The following SPATC1L variants were observed in gnomAD, a reference collection of about 807,000 sequenced individuals.
SPATC1L encodes speriolin-like protein.
Under a neutral mutation model 21.2 loss-of-function variants are expected in SPATC1L, and 20 were observed. The observed-to-expected ratio is 0.94, with a 90% CI of 0.66 to 1.37. The LOEUF (loss-of-function observed/expected upper bound fraction) is 1.37. Among genes scored for constraint, SPATC1L ranks in the 40% most tolerant of loss-of-function variants. SPATC1L has a pLI of 0.00. For missense variants in SPATC1L, 499 were observed against 478.7 expected, an observed-to-expected ratio of 1.04 and a Z score of -0.40; for synonymous variants, 290 against 234.5, an observed-to-expected ratio of 1.24 and a Z score of -2.16.
chr21:46,177,555 C>T (rs1330215499), intron 2 of SPATC1L, among the ~76,000 whole-genome samples: 1 of 152,200 alleles, frequency 6.6e-6, no homozygotes, highest in African/African-American at 2.4e-5. Flanking sequence ...CACAATGAGA[C>T]ACCATCTCAC....
intron 3 of SPATC1L, among the ~76,000 whole-genome samples, chr21:46,165,450 T>C (rs951820747): frequency 1.3e-5 from 2 of 152,220 alleles, no homozygotes; most frequent in Non-Finnish European, 2.9e-5. Flanking sequence ...TTGTCATCTG[T>C]AGCCAATGCT....
intron 2 of SPATC1L, among the ~76,000 whole-genome samples, chr21:46,173,257 TG>T (rs1368474665): frequency 6.6e-6 from 1 of 152,178 alleles, no homozygotes; most frequent in African/African-American, 2.4e-5. Context: ...TGGCCATGCC[TG>T]CTTGCAGGGC....
At chr21:46,177,494 T>C (rs1655521868) in intron 2 of SPATC1L, among the ~76,000 whole-genome samples, 2 of 152,114 alleles carry the variant, frequency 1.3e-5, no homozygotes, top group South Asian at 4.1e-4. Context: ...CCAACGAGCA[T>C]ATGAAAAAAG....
In SPATC1L at chr21:46,182,670, T is replaced by G; in HGVS notation, c.147A>C (p.Pro49=). The G allele has an allele frequency of 6.5e-7, 1 of 1,540,742 alleles. No individual in the cohort carries two copies. Among genetic ancestry groups the G allele is most frequent in the Non-Finnish European group, 8.7e-7 (1 of 1,145,922 alleles). ...CCTCAGGGTAGGCATGCGCCCTGGGTGGGAGCAGGTCGTGGCCGCCGCCCT... is the reference window on the plus strand; with the variant it reads ...CCTCAGGGTAGGCATGCGCCCTGGGGGGGAGCAGGTCGTGGCCGCCGCCCT... ...CQEGGGHDLL[P]PRAHAYPEAG... The change falls in exon 2 of 5, where the codon CCA becomes CCC. Residue 49 remains proline, a synonymous_variant. Coordinates refer to ENST00000291672, the MANE Select transcript of SPATC1L (RefSeq NM_001142854.2).
intron 2 of SPATC1L, among the ~76,000 whole-genome samples, chr21:46,175,655 G>A (rs1354821818): frequency 2.6e-5 from 4 of 152,118 alleles, no homozygotes; most frequent in Admixed American, 2.6e-4. Context: ...CTAAAATTGA[G>A]TCAGTAATAA....
intron 2 of SPATC1L, among the ~76,000 whole-genome samples, chr21:46,173,217 C>T (rs137966082): frequency 1.7e-3 from 262 of 152,338 alleles, no homozygotes; most frequent in African/African-American, 5.8e-3. Flanking sequence ...AGCACCCCTT[C>T]GTCTGCTGGC....
chr21:46,168,494 G>C lies in SPATC1L; in HGVS notation c.358C>G (p.Pro120Ala). The part of the protein sequence containing the change: ...SQAPFKAFLS[P>A]PEPHSHRGTD... Reference sequence around the variant, plus strand: ...CCTCGGTGGCTATGTGGCTCTGGGGGACTGAGGAAGGCCTTGAAGGGTGCC... The same window carrying C: ...CCTCGGTGGCTATGTGGCTCTGGGGCACTGAGGAAGGCCTTGAAGGGTGCC... Residue 120 changes from proline (P) to alanine (A), a missense_variant, in exon 3 of 5, where the codon CCC (proline) becomes GCC (alanine). Physicochemically the swap from Pro to Ala is conservative, Grantham distance 27. Transcript: ENST00000291672. 1 of 1,562,608 alleles carries C rather than the reference G, an allele frequency of 6.4e-7. No homozygotes were observed. Among genetic ancestry groups the C allele is most frequent in the Non-Finnish European group, 8.7e-7 (1 of 1,152,984 alleles).
In SPATC1L at chr21:46,161,738, G is replaced by T. The variant is rs749232502; in HGVS notation, c.697-33C>A. The T allele has an allele frequency of 7.8e-6, 12 of 1,536,966 alleles. No individual in the cohort carries two copies. In the East Asian group the frequency reaches 2.8e-4, roughly 36 times the overall value. The stretch of plus-strand genomic sequence containing the variant: ...CGCAGCGCATGGATGGGGGTGGGGG[G>T]CTCGGGGCCCTCGGACGGGGACTTC... On this transcript the variant is annotated intron_variant, in intron 4 of 4. Coordinates refer to ENST00000291672, the MANE Select transcript of SPATC1L (RefSeq NM_001142854.2).
intron 2 of SPATC1L, among the ~76,000 whole-genome samples, chr21:46,181,206 G>C (rs576773930): frequency 6.6e-6 from 1 of 152,220 alleles, no homozygotes; most frequent in Non-Finnish European, 1.5e-5. Flanking sequence ...TGCTGTGAAC[G>C]GGACCCTGCA....
Position 46,182,667 on chromosome 21 carries a change from G to A in SPATC1L, c.150C>T (p.Pro50=), listed in dbSNP as rs755367806. The change falls in exon 2 of 5, where the codon CCC becomes CCT. Residue 50 remains proline, a synonymous_variant. Coordinates refer to ENST00000291672, the MANE Select transcript of SPATC1L (RefSeq NM_001142854.2). ...CGGCCTCAGGGTAGGCATGCGCCCT[G>A]GGTGGGAGCAGGTCGTGGCCGCCGC... is the stretch of plus-strand genomic sequence containing the variant. ...QEGGGHDLLP[P]RAHAYPEAGS... is the part of the protein sequence containing the mutation. 371 of 1,540,438 alleles carry A rather than the reference G, an allele frequency of 2.4e-4. 1 individual carries two copies. The highest frequency in any genetic ancestry group is 2.7e-4 in the Non-Finnish European group (313 of 1,145,908).
rs373386591 is a variant in SPATC1L at position 46,161,623 on chromosome 21, C to T, written c.779G>A (p.Arg260His). The T allele has an allele frequency of 1.5e-5, 24 of 1,610,196 alleles. No homozygotes were observed. Among genetic ancestry groups the T allele is most frequent in the Middle Eastern group, 1.6e-4 (1 of 6,064 alleles). The part of the protein sequence containing the change: ...LTQRYLALSA[R>H]LEKLGYSRDV... ...GCGGCTGTAGCCCAGCTTCTCCAGG[C>T]GCGCGCTCAGGGCCAGGTAGCGCTG... The change falls in exon 5 of 5, where the codon CGC becomes CAC. Residue 260 changes from arginine (R) to histidine (H), a missense_variant. By Grantham distance (29) the Arg-to-His change is conservative. Transcript: ENST00000291672.
At chr21:46,177,350 A>G (rs1387434836) in intron 2 of SPATC1L, among the ~76,000 whole-genome samples, 1 of 152,224 alleles carries the variant, frequency 6.6e-6, no homozygotes, top group Non-Finnish European at 1.5e-5. Flanking sequence ...AAATTTTTAC[A>G]AACTAATGCA....
Position 46,171,058 on chromosome 21 carries a change from G to T in SPATC1L, c.194-2400C>A, listed in dbSNP as rs531500006. On this transcript the variant is annotated intron_variant, in intron 2 of 4. Coordinates refer to ENST00000291672, the MANE Select transcript of SPATC1L (RefSeq NM_001142854.2). ...TCCTGCTCTGTGAACATCCTCTGTG[G>T]TCTGACGCTGGGCTCAGGTGTGTTC... 5.9e-5 allele frequency among the ~76,000 whole-genome samples: 9 copies of T among 152,368 alleles called. No individual in the cohort carries two copies. The South Asian group carries it at 1.9e-3, about 32-fold the overall frequency.
At chr21:46,178,257 C>CA (rs1477962807) in intron 2 of SPATC1L, among the ~76,000 whole-genome samples, 1 of 124,108 alleles carries the variant, frequency 8.1e-6, no homozygotes, top group African/African-American at 3.0e-5. Context: ...AAAAAAAAAA[C>CA]CAGAATGAGA....
chr21:46,168,615 G>A lies in SPATC1L; in HGVS notation c.237C>T (p.Ser79=). 1 of 1,415,502 alleles carries A rather than the reference G, an allele frequency of 7.1e-7. No homozygotes were observed. The highest frequency in any genetic ancestry group is 9.3e-7 in the Non-Finnish European group (1 of 1,071,996). 87.7% of individuals were successfully genotyped at this position (1,415,502 alleles called of 1,614,324 possible). The change falls in exon 3 of 5, where the codon TCC becomes TCT. Residue 79 remains serine, a synonymous_variant. Transcript: ENST00000291672. ...GRFTSVADTP[S]QLQTSSLEDL... ...CCTCCAGGGAGGATGTCTGCAGTTG[G>A]GAGGGCGTGTCGGCAACACTCGTGA...
intron 2 of SPATC1L, among the ~76,000 whole-genome samples, chr21:46,174,336 AAACAAAAC>A (rs576174176): frequency 0.11 from 9,206 of 84,392 alleles, 450 homozygotes; most frequent in African/African-American, 0.15. Flanking sequence ...CTGTCTCAAA[AAACAAAAC>A]AAAAAAAAAA....
rs1004141259 is a variant in SPATC1L, at chr21:46,168,621, C to A, written c.231G>T (p.Thr77=). Residue 77 remains threonine, a synonymous_variant, in exon 3 of 5, where the codon ACG becomes ACT. Transcript: ENST00000291672. ...DFGRFTSVAD[T]PSQLQTSSLE... The stretch of plus-strand genomic sequence containing the variant: ...GGGAGGATGTCTGCAGTTGGGAGGG[C>A]GTGTCGGCAACACTCGTGAACCTTC... 1.4e-6 allele frequency: 2 copies of A among 1,401,418 alleles called. No homozygotes were observed. The highest frequency in any genetic ancestry group is 1.9e-6 in the Non-Finnish European group (2 of 1,064,576). The allele number at this position is 1,401,418 out of a possible 1,614,324, so 86.8% of individuals were successfully genotyped here.
chr21:46,170,890 C>T (rs1162987898), intron 2 of SPATC1L, among the ~76,000 whole-genome samples: 4 of 148,524 alleles, frequency 2.7e-5, no homozygotes, highest in African/African-American at 1.0e-4. Context: ...GCTCTGTGAA[C>T]ATCCTCTGTG....
In SPATC1L at chr21:46,161,956, T is replaced by G; in HGVS notation, c.656A>C (p.Tyr219Ser). ...AYVFPGVTRL[Y>S]GFTVANIPEK... ...GGGGATGTTGGCCACCGTGAAGCCG[T>G]AGAGCCGCGTCACGCCCGGGAACAC... The change falls in exon 4 of 5, where the codon TAC (tyrosine) becomes TCC (serine). Residue 219 changes from tyrosine (Y) to serine (S), a missense_variant. Transcript: ENST00000291672. 2 of 1,608,006 alleles carry G rather than the reference T, an allele frequency of 1.2e-6. No homozygotes were observed. The highest frequency in any genetic ancestry group is 1.7e-6 in the Non-Finnish European group (2 of 1,179,280).
Sources: allele counts gnomAD v4.1 joint callset (sites outside exome capture counted in the v4.1 genomes callset), GRCh38; gene constraint gnomAD v4.1.1; transcripts MANE v1.5; gene names NCBI Gene and HGNC (gene_info 2026-07-23, HGNC 2026-07-21).